Variants in IGDCC3 observed in about 807,000 individuals in gnomAD.
IGDCC3 encodes immunoglobulin superfamily DCC subclass member 3, also known as putative neuronal cell adhesion molecule.
Under a neutral mutation model 72.0 loss-of-function variants are expected in IGDCC3, and 47 were observed. The ratio of observed to expected loss-of-function variants is 0.65; its 90% CI spans 0.52 to 0.83. IGDCC3 has a LOEUF of 0.83. Among genes scored for constraint, IGDCC3 ranks in the 40% least tolerant of loss-of-function variants. The pLI, the probability that IGDCC3 is intolerant of heterozygous loss-of-function variation, is 0.00. For missense variants in IGDCC3, 1,038 were observed against 1,091.3 expected, an observed-to-expected ratio of 0.95 and a Z score of 0.69; for synonymous variants, 477 against 472.8, an observed-to-expected ratio of 1.01 and a Z score of -0.11.
At position 65,332,146 on chromosome 15, in the gene IGDCC3, C is replaced by T. The variant is rs772702264; in HGVS notation, c.983-40G>A. 4.4e-6 allele frequency: 7 copies of T among 1,591,548 alleles called. No homozygotes were observed. The African/African-American group carries it at 9.4e-5, about 21-fold the overall frequency. ...AGGAGGGTGGGGGCGCAGACAGACACAGCTGTGAGTGACGGCATGAGGAAG... is the reference window on the plus strand; with the variant it reads ...AGGAGGGTGGGGGCGCAGACAGACATAGCTGTGAGTGACGGCATGAGGAAG... On this transcript the variant is annotated intron_variant, in intron 6 of 13. Transcript: ENST00000327987.
At chr15:65,351,160 T>C (rs1470144641) in intron 2 of IGDCC3, among the ~76,000 whole-genome samples, 1 of 152,216 alleles carries the variant, frequency 6.6e-6, no homozygotes, top group Non-Finnish European at 1.5e-5. Context: ...AAATTAAACA[T>C]TGGAATAGAA....
At position 65,329,256 on chromosome 15, in the gene IGDCC3, G is replaced by A; in HGVS notation, c.2206-108C>T. ...CTCCAGGTCTCCCTGCCTGACTCAG[G>A]GACACAAAGAGAAGACCTGCAGTTT... On this transcript the variant is annotated intron_variant, in intron 13 of 13. Coordinates refer to ENST00000327987, the MANE Select transcript of IGDCC3 (RefSeq NM_004884.4). The surrounding 1 kb of genome is among the most constrained non-coding windows in gnomAD (Gnocchi z 4.1). 1 of 1,498,802 alleles carries A rather than the reference G, an allele frequency of 6.7e-7. No individual in the cohort carries two copies. Among genetic ancestry groups the A allele is most frequent in the Non-Finnish European group, 8.9e-7 (1 of 1,120,060 alleles). 92.8% of individuals were successfully genotyped at this position (1,498,802 alleles called of 1,614,324 possible). A position where few individuals can be genotyped will look rare whatever the true frequency, so the allele number is the denominator to read the frequency against.
Position 65,328,921 on chromosome 15 carries a change from G to C in IGDCC3, c.2433C>G (p.His811Gln), listed in dbSNP as rs1170266306. 1 of 1,543,010 alleles carries C rather than the reference G, an allele frequency of 6.5e-7. No homozygotes were observed. The highest frequency in any genetic ancestry group is 1.3e-5 in the South Asian group (1 of 79,348). ...PAAARVTQPAHSEQ is the reference protein window; with the variant it reads ...PAAARVTQPAQSEQ ...TGCCAGACACTGGCTACTGTTCCGA[G>C]TGAGCTGGCTGGGTAACCCGGGCCG... The change falls in exon 14 of 14, where the codon CAC becomes CAG. Residue 811 changes from histidine (H) to glutamine (Q), a missense_variant. Physicochemically the swap from His to Gln is conservative, Grantham distance 24. Transcript: ENST00000327987.
chr15:65,336,045 A>G, intron 2 of IGDCC3, 89 bp from the exon 3 acceptor site: 1 of 1,366,500 alleles, frequency 7.3e-7, no homozygotes, highest in Non-Finnish European at 1.0e-6. Flanking sequence ...AGGCACGGAG[A>G]CCTGGAGCCC....
rs549200455 is a variant in IGDCC3 at position 65,372,566 on chromosome 15, A to C, written c.409+2531T>G. ...CTGGCCCGGAGCTCAGATGCCCAGC[A>C]GACCCACCGACATAGACCTGAACAC... On this transcript the variant is annotated intron_variant, in intron 2 of 13. Transcript: ENST00000327987. 5.9e-5 allele frequency among the ~76,000 whole-genome samples: 9 copies of C among 152,312 alleles called. No homozygotes were observed. In the South Asian group the frequency reaches 1.9e-3, roughly 32 times the overall value.
chr15:65,353,246 C>G (rs1403695398), intron 2 of IGDCC3, among the ~76,000 whole-genome samples: 1 of 142,562 alleles, frequency 7.0e-6, no homozygotes, highest in Non-Finnish European at 1.5e-5. Flanking sequence ...TCCCTCCTTC[C>G]TTCCTTCCTT....
intron 2 of IGDCC3, among the ~76,000 whole-genome samples, chr15:65,355,236 G>A (rs1306836030): frequency 2.0e-5 from 3 of 152,172 alleles, no homozygotes; most frequent in Non-Finnish European, 4.4e-5. Context: ...CCCGAGCCTG[G>A]GGCCCCGAGA....
intron 2 of IGDCC3, among the ~76,000 whole-genome samples, chr15:65,364,532 C>T (rs1274343234): frequency 6.6e-6 from 1 of 152,078 alleles, no homozygotes; most frequent in East Asian, 1.9e-4. Flanking sequence ...CCATGGAGGT[C>T]AGGAGCCCAC....
chr15:65,375,350 A>G lies in IGDCC3; in HGVS notation c.156T>C (p.Val52=). The change falls in exon 2 of 14, where the codon GTT becomes GTC. Residue 52 remains valine (V), a synonymous_variant. Coordinates refer to ENST00000327987, the MANE Select transcript of IGDCC3 (RefSeq NM_004884.4). ...LAFAVEPSDD[V]AVPGQPIVLD... ...GCACTATAGGCTGCCCGGGGACGGC[A>G]ACATCATCACTTGGCTCCACAGCAA... is the stretch of plus-strand genomic sequence containing the variant. 2 of 1,610,964 alleles carry G rather than the reference A, an allele frequency of 1.2e-6. No homozygotes were observed. Among genetic ancestry groups the G allele is most frequent in the Non-Finnish European group, 1.7e-6 (2 of 1,177,466 alleles).
rs145968089 is a variant in IGDCC3 at position 65,343,430 on chromosome 15, G to A, written c.410-7474C>T. Among the ~76,000 whole-genome samples the A allele has an allele frequency of 4.2e-3, 637 of 152,016 alleles. 5 individuals are homozygous for A. Among genetic ancestry groups the A allele is most frequent in the African/African-American group, 0.014 (592 of 41,446 alleles). On this transcript the variant is annotated intron_variant, in intron 2 of 13. Coordinates refer to ENST00000327987, the MANE Select transcript of IGDCC3 (RefSeq NM_004884.4). ...GGGGGAGGACATGTGTTGCGGGGGCGAGCAGCAGGGTATAAACCAGAGCCT... is the reference window on the plus strand; with the variant it reads ...GGGGGAGGACATGTGTTGCGGGGGCAAGCAGCAGGGTATAAACCAGAGCCT...
At chr15:65,342,997 T>G (rs2091095581) in intron 2 of IGDCC3, among the ~76,000 whole-genome samples, 1 of 152,126 alleles carries the variant, frequency 6.6e-6, no homozygotes, top group Admixed American at 6.5e-5. Context: ...AGAACTGAGT[T>G]CAAATCTCAG....
chr15:65,332,104 G>T lies in IGDCC3; in HGVS notation c.985C>A (p.Pro329Thr). The change falls in exon 7 of 14, where the codon CCA becomes ACA. Residue 329 changes from proline (P) to threonine (T), a missense_variant and splice_region_variant. Coordinates refer to ENST00000327987, the MANE Select transcript of IGDCC3 (RefSeq NM_004884.4). The stretch of plus-strand genomic sequence containing the variant: ...TGGGGATGCTGCACAAACTCAGCTG[G>T]GGCTGCGAGTAGAGTCAGGAGGGTG... ...TAQGRLVVQAPAEFVQHPQSI... is the reference protein window; with the variant it reads ...TAQGRLVVQATAEFVQHPQSI... The T allele has an allele frequency of 1.2e-6, 2 of 1,612,820 alleles. No homozygotes were observed. The highest frequency in any genetic ancestry group is 1.7e-6 in the Non-Finnish European group (2 of 1,179,354).
chr15:65,331,175 C>T lies in IGDCC3; in HGVS notation c.1436G>A (p.Ser479Asn). Reference sequence around the variant, plus strand: ...GTCGCTGACCAGGTGCTGAAAGGTGCTCTTGCTGACTGCCTCCTGATACTC... The same window carrying T: ...GTCGCTGACCAGGTGCTGAAAGGTGTTCTTGCTGACTGCCTCCTGATACTC... Reference protein sequence around the residue: ...ELEYQEAVSKSTFQHLVSDLE... With the variant: ...ELEYQEAVSKNTFQHLVSDLE... The change falls in exon 9 of 14, where the codon AGC (serine) becomes AAC (asparagine). Residue 479 changes from serine to asparagine, a missense_variant. Transcript: ENST00000327987. The T allele has an allele frequency of 6.2e-7, 1 of 1,614,088 alleles. No individual in the cohort carries two copies. The highest frequency in any genetic ancestry group is 8.5e-7 in the Non-Finnish European group (1 of 1,180,006).
chr15:65,335,861 G>A lies in IGDCC3; in HGVS notation c.505C>T (p.Leu169=), dbSNP rs753018136. 1 of 1,614,196 alleles carries A rather than the reference G, an allele frequency of 6.2e-7. No individual in the cohort carries two copies. Among genetic ancestry groups the A allele is most frequent in the Non-Finnish European group, 8.5e-7 (1 of 1,180,008 alleles). ...ACTCTGTTCTTCTCCCAAGTGATCA[G>A]GGGTTTGGGAAGCCCATGGATTTGG... The part of the protein sequence containing the change: ...QCQIHGLPKP[L]ITWEKNRVPI... The change falls in exon 3 of 14, where the codon CTG becomes TTG. Residue 169 remains leucine, a synonymous_variant. Transcript: ENST00000327987.
In IGDCC3 at chr15:65,333,345, C is replaced by T. The variant is rs79857588; in HGVS notation, c.894G>A (p.Thr298=). The T allele has an allele frequency of 1.3e-3, 2,167 of 1,613,084 alleles. 27 individuals carry two copies. In the African/African-American group the frequency reaches 0.023, roughly 17 times the overall value. Residue 298 remains threonine, a synonymous_variant, in exon 6 of 14, where the codon ACG becomes ACA. Transcript: ENST00000327987. The part of the protein sequence containing the change: ...GTGNLIISDV[T]VQHSGVYVCA... Reference sequence around the variant, plus strand: ...AGACGTAGACGCCAGAGTGCTGGACCGTCACGTCTGAGATGATGAGGTTTC... The same window carrying T: ...AGACGTAGACGCCAGAGTGCTGGACTGTCACGTCTGAGATGATGAGGTTTC...
chr15:65,344,065 T>C (rs145831964), intron 2 of IGDCC3, among the ~76,000 whole-genome samples: 156 of 152,316 alleles, frequency 1.0e-3, no homozygotes, highest in Middle Eastern at 3.4e-3. Context: ...GAAGCATGAC[T>C]TACTTCCCTG....
At chr15:65,364,911 T>C (rs567971662) in intron 2 of IGDCC3, among the ~76,000 whole-genome samples, 2 of 151,994 alleles carry the variant, frequency 1.3e-5, no homozygotes, top group Non-Finnish European at 2.9e-5. Context: ...AAATAGAACA[T>C]GCACGCCAGT....
At chr15:65,333,815 G>C (rs1261013739) in intron 5 of IGDCC3, among the ~76,000 whole-genome samples, 1 of 152,210 alleles carries the variant, frequency 6.6e-6, no homozygotes, top group African/African-American at 2.4e-5. Context: ...CCTGGTTGGG[G>C]GGGGAACCCG....
rs1434720658 is a variant in IGDCC3, at chr15:65,377,139, C to T, written c.103+547G>A. Among the ~76,000 whole-genome samples the T allele has an allele frequency of 4.6e-5, 7 of 152,160 alleles. No individual in the cohort carries two copies. On this transcript the variant is annotated intron_variant, in intron 1 of 13. Transcript: ENST00000327987. This position sits in a 1 kb window ranked among gnomAD's most constrained non-coding sequence, Gnocchi z 4.9. ...GGGTCGCTCCCTAGCCACGCGCCGCCCTCCAGGAATCTCCCTCGTCTTCTC... is the reference window on the plus strand; with the variant it reads ...GGGTCGCTCCCTAGCCACGCGCCGCTCTCCAGGAATCTCCCTCGTCTTCTC...
Sources: allele counts gnomAD v4.1 joint callset (sites outside exome capture counted in the v4.1 genomes callset), GRCh38; gene constraint gnomAD v4.1.1; non-coding constraint Gnocchi (gnomAD v3.1); transcripts MANE v1.5; gene names NCBI Gene and HGNC (gene_info 2026-07-23, HGNC 2026-07-21).